RARB: variants seen among roughly 807,000 people sequenced by gnomAD.
RARB encodes the protein HBV-activated protein.
A neutral mutation model predicts 51.9 loss-of-function variants in RARB; 17 were observed. That is an observed-to-expected ratio of 0.33 (90% CI 0.22 to 0.49). The LOEUF is 0.49. RARB is among the 20% of genes least tolerant of loss of function. RARB has a pLI of 0.99. For synonymous variants in RARB, 215 were observed against 195.4 expected, an observed-to-expected ratio of 1.10 and a Z score of -0.84; for missense variants, 369 against 550.8, an observed-to-expected ratio of 0.67 and a Z score of 3.30.
intron 2 of RARB, among the ~76,000 whole-genome samples, chr3:24,966,467 T>C (rs1409929321): frequency 1.3e-5 from 2 of 152,192 alleles, no homozygotes; most frequent in African/African-American, 2.4e-5. Context: ...CCAACCCTTC[T>C]CTCTTATTTC....
chr3:25,341,556 T>A (rs1477214565), intron 5 of RARB, among the ~76,000 whole-genome samples: 1 of 152,140 alleles, frequency 6.6e-6, no homozygotes, highest in Non-Finnish European at 1.5e-5. Flanking sequence ...GGACAGGAAT[T>A]GATGACTTCT....
At chr3:25,412,009 C>T (rs1027948275) in intron 5 of RARB, among the ~76,000 whole-genome samples, 5 of 152,196 alleles carry the variant, frequency 3.3e-5, no homozygotes, top group Admixed American at 2.6e-4. Context: ...TGATTTTAAA[C>T]ATTCTCTTTC....
chr3:25,096,080 A>G (rs1041276359), intron 3 of RARB, among the ~76,000 whole-genome samples: 2 of 152,086 alleles, frequency 1.3e-5, no homozygotes, highest in African/African-American at 2.4e-5. Context: ...TTTTTTCAAC[A>G]TTATAATTTT....
intron 5 of RARB, among the ~76,000 whole-genome samples, chr3:25,406,900 G>A (rs149471743): frequency 6.6e-6 from 1 of 152,246 alleles, no homozygotes; most frequent in Non-Finnish European, 1.5e-5. Context: ...CATCTTGATG[G>A]CTGCTAATCA....
chr3:25,110,242 G>A (rs997843660), intron 3 of RARB, among the ~76,000 whole-genome samples: 5 of 152,188 alleles, frequency 3.3e-5, no homozygotes, highest in Admixed American at 6.5e-5. Flanking sequence ...GTTTACGCTT[G>A]TTTATAGGTG....
At chr3:25,232,914 G>A (rs1259327944) in intron 5 of RARB, among the ~76,000 whole-genome samples, 1 of 151,892 alleles carries the variant, frequency 6.6e-6, no homozygotes, top group Non-Finnish European at 1.5e-5. Context: ...ATTTAAGGCA[G>A]GCTAGACTAA....
chr3:25,376,592 A>C (rs551963257), intron 5 of RARB, among the ~76,000 whole-genome samples: 2 of 152,282 alleles, frequency 1.3e-5, no homozygotes, highest in Middle Eastern at 6.8e-3. Context: ...GTAAAAGTGC[A>C]CCTACCTACA....
intron 5 of RARB, among the ~76,000 whole-genome samples, chr3:25,380,589 A>G (rs890607847): frequency 2.0e-5 from 3 of 147,592 alleles, no homozygotes; most frequent in Admixed American, 7.3e-5. Flanking sequence ...TTTCTTGCTC[A>G]AGAAAAAAAA....
chr3:25,042,979 T>A (rs1698143865), intron 2 of RARB, among the ~76,000 whole-genome samples: 2 of 152,230 alleles, frequency 1.3e-5, no homozygotes, highest in Non-Finnish European at 2.9e-5. Context: ...CCAGTACTTG[T>A]CTTCACAGAC....
chr3:24,865,878 T>C (rs759462479), intron 2 of RARB, among the ~76,000 whole-genome samples: 5 of 152,160 alleles, frequency 3.3e-5, no homozygotes, highest in Non-Finnish European at 7.4e-5. Context: ...GGTCAGTTAT[T>C]AGATTTTTTT....
At chr3:25,323,924 C>A (rs939908825) in intron 5 of RARB, among the ~76,000 whole-genome samples, 1 of 152,124 alleles carries the variant, frequency 6.6e-6, no homozygotes. Flanking sequence ...TATTAAATGA[C>A]AATAGGCAAT....
chr3:24,985,091 T>C (rs1476335425), intron 2 of RARB, among the ~76,000 whole-genome samples: 2 of 152,222 alleles, frequency 1.3e-5, no homozygotes, highest in Non-Finnish European at 2.9e-5. Context: ...CATAAACTCA[T>C]ATCCATTTAA....
At chr3:25,280,391 T>C (rs1703493755) in intron 5 of RARB, among the ~76,000 whole-genome samples, 1 of 152,144 alleles carries the variant, frequency 6.6e-6, no homozygotes, top group Non-Finnish European at 1.5e-5. Flanking sequence ...TTGCTGCTTC[T>C]GCTGTTTTCT....
At position 24,998,264 on chromosome 3, in the gene RARB, T is replaced by A. The variant is rs1697083975; in HGVS notation, c.-379-61861T>A. Among the ~76,000 whole-genome samples the A allele has an allele frequency of 4.1e-5, 6 of 147,060 alleles. No homozygotes were observed. In the Admixed American group the frequency reaches 4.3e-4, roughly 11 times the overall value. Reference sequence around the variant, plus strand: ...CCTCTCATGGTGGTTCACGGCCTTTTGACTTGTAGTTTGTTTTTTTTTTTT... The same window carrying A: ...CCTCTCATGGTGGTTCACGGCCTTTAGACTTGTAGTTTGTTTTTTTTTTTT... On this transcript the variant is annotated intron_variant, in intron 2 of 11. Transcript: ENST00000383772.
At chr3:25,590,740 G>A (rs1424172267) in intron 5 of RARB, among the ~76,000 whole-genome samples, 3 of 152,134 alleles carry the variant, frequency 2.0e-5, no homozygotes, top group Non-Finnish European at 2.9e-5. Flanking sequence ...GGCTGGTCTC[G>A]AGTTCCTGAC....
At chr3:25,295,471 G>A (rs148482075) in intron 5 of RARB, among the ~76,000 whole-genome samples, 1 of 152,244 alleles carries the variant, frequency 6.6e-6, no homozygotes, top group Non-Finnish European at 1.5e-5. Flanking sequence ...CAGGCTCCAC[G>A]ACTGTGAGCA....
intron 5 of RARB, among the ~76,000 whole-genome samples, chr3:25,182,780 G>A (rs1700887430): frequency 6.6e-6 from 1 of 152,182 alleles, no homozygotes; most frequent in Non-Finnish European, 1.5e-5. Context: ...TTTACCCCCA[G>A]TACCTGTGAA....
chr3:24,969,639 T>C (rs1696350373), intron 2 of RARB, among the ~76,000 whole-genome samples: 1 of 152,146 alleles, frequency 6.6e-6, no homozygotes, highest in East Asian at 1.9e-4. Context: ...AATTGCCAAG[T>C]AATTTTGTTT....
chr3:24,964,124 T>A (rs1348806714), intron 2 of RARB, among the ~76,000 whole-genome samples: 1 of 152,228 alleles, frequency 6.6e-6, no homozygotes, highest in East Asian at 1.9e-4. Flanking sequence ...TACAAAATGT[T>A]GATTTCCACC....
Sources: gnomAD v4.1 joint callset for allele counts (sites outside exome capture counted in the v4.1 genomes callset) on GRCh38, gnomAD v4.1.1 for gene constraint, MANE v1.5 for transcripts, NCBI Gene and HGNC (gene_info 2026-07-23, HGNC 2026-07-21) for gene names.